The following FGF12 variants were observed in gnomAD, a reference collection of about 807,000 sequenced individuals.
FGF12 encodes the protein fibroblast growth factor 12.
Under a neutral mutation model 23.6 loss-of-function variants are expected in FGF12, and 14 were observed. The observed-to-expected ratio is 0.59, with a 90% CI of 0.39 to 0.93. The LOEUF is 0.93. FGF12 is among the 40% of genes least tolerant of loss of function. FGF12 has a pLI of 0.00. For synonymous variants in FGF12, 62 were observed against 77.3 expected (o/e 0.80, Z 1.04); for missense variants, 175 against 217.8 (o/e 0.80, Z 1.24).
intron 2 of FGF12, among the ~76,000 whole-genome samples, chr3:192,456,379 T>A (rs1722682249): frequency 1.3e-5 from 2 of 152,176 alleles, no homozygotes; most frequent in East Asian, 3.9e-4. Context: ...AAGCCTGCTG[T>A]CAAGCAGGCT....
intron 2 of FGF12, among the ~76,000 whole-genome samples, chr3:192,421,059 A>G (rs1343892220): frequency 6.6e-6 from 1 of 152,166 alleles, no homozygotes; most frequent in Non-Finnish European, 1.5e-5. Flanking sequence ...GACAGTGGCC[A>G]CTACATGCAT....
chr3:192,171,973 C>A (rs926922964), intron 4 of FGF12, among the ~76,000 whole-genome samples: 1 of 150,952 alleles, frequency 6.6e-6, no homozygotes, highest in Admixed American at 6.6e-5. Context: ...CTCAAACTCC[C>A]GGGCCCAGAA....
intron 2 of FGF12, among the ~76,000 whole-genome samples, chr3:192,386,655 C>G (rs943881628): frequency 1.3e-5 from 2 of 152,050 alleles, no homozygotes; most frequent in Admixed American, 6.6e-5. Context: ...ATTTATTTTT[C>G]TATTTTTCCT....
chr3:192,330,377 G>A (rs1717044909), intron 4 of FGF12, among the ~76,000 whole-genome samples: 1 of 152,092 alleles, frequency 6.6e-6, no homozygotes, highest in South Asian at 2.1e-4. Flanking sequence ...GGCACAAAGA[G>A]ACACAAACAC....
chr3:192,714,169 T>C (rs1431811742), intron 2 of FGF12, among the ~76,000 whole-genome samples: 2 of 152,200 alleles, frequency 1.3e-5, no homozygotes, highest in African/African-American at 2.4e-5. Flanking sequence ...ATCTCCATTA[T>C]ATAGATAAGG....
intron 2 of FGF12, among the ~76,000 whole-genome samples, chr3:192,713,821 T>C (rs1718773040): frequency 6.6e-6 from 1 of 152,224 alleles, no homozygotes; most frequent in African/African-American, 2.4e-5. Flanking sequence ...GATGATGCAG[T>C]TTGGTATGAT....
intron 2 of FGF12, among the ~76,000 whole-genome samples, chr3:192,493,224 A>T (rs1250980973): frequency 6.6e-6 from 1 of 152,008 alleles, no homozygotes; most frequent in African/African-American, 2.4e-5. Context: ...CTTGAACCTC[A>T]GCTTGCTCAT....
rs1320010640 is a variant in FGF12, at chr3:192,154,132, A to T, written c.428-10005T>A. 2.6e-5 allele frequency among the ~76,000 whole-genome samples: 3 copies of T among 115,754 alleles called. 1 individual carries two copies. Among genetic ancestry groups the T allele is most frequent in the African/African-American group, 9.8e-5 (3 of 30,644 alleles). 75.9% of individuals were successfully genotyped at this position (115,754 alleles called of 152,430 possible). A position where few individuals can be genotyped will look rare whatever the true frequency, so the allele number is the denominator to read the frequency against. On this transcript the variant is annotated intron_variant, in intron 5 of 5. Coordinates refer to ENST00000445105, the MANE Select transcript of FGF12 (RefSeq NM_004113.6). Reference sequence around the variant, plus strand: ...GGCTCCTGAGGCTTCTGCATTCTTCATGTAGTTCTCGAGCCTTGGTTTTCA... The same window carrying T: ...GGCTCCTGAGGCTTCTGCATTCTTCTTGTAGTTCTCGAGCCTTGGTTTTCA...
intron 4 of FGF12, among the ~76,000 whole-genome samples, chr3:192,304,397 G>T (rs1221713734): frequency 6.6e-6 from 1 of 151,988 alleles, no homozygotes; most frequent in Non-Finnish European, 1.5e-5. Flanking sequence ...TAAAAACTTG[G>T]GATAGTCCAT....
intron 4 of FGF12, among the ~76,000 whole-genome samples, chr3:192,173,835 T>C (rs1413837572): frequency 1.3e-5 from 2 of 152,260 alleles, no homozygotes; most frequent in African/African-American, 2.4e-5. Flanking sequence ...TTCTTCCTTA[T>C]GAATGTACAT....
At chr3:192,407,190 G>C (rs1053284958) in intron 2 of FGF12, among the ~76,000 whole-genome samples, 2 of 152,162 alleles carry the variant, frequency 1.3e-5, no homozygotes, top group African/African-American at 4.8e-5. Context: ...TGCGGTCGGG[G>C]CTGCAGAAGA....
At chr3:192,391,643 T>A (rs1468877700) in intron 2 of FGF12, among the ~76,000 whole-genome samples, 2 of 152,114 alleles carry the variant, frequency 1.3e-5, no homozygotes, top group East Asian at 3.9e-4. Context: ...AAACTGGAGG[T>A]GAACAAATCT....
At chr3:192,637,349 T>G (rs1176983587) in intron 2 of FGF12, among the ~76,000 whole-genome samples, 1 of 152,218 alleles carries the variant, frequency 6.6e-6, no homozygotes, top group African/African-American at 2.4e-5. Context: ...CCATAAGCTC[T>G]AGGAGGACAA....
intron 2 of FGF12, among the ~76,000 whole-genome samples, chr3:192,367,695 C>T (rs1229279222): frequency 1.3e-5 from 2 of 152,046 alleles, no homozygotes; most frequent in African/African-American, 4.8e-5. Flanking sequence ...GGCCTGAGGC[C>T]CCTCATTCAC....
chr3:192,634,065 T>C (rs1252881414), intron 2 of FGF12, among the ~76,000 whole-genome samples: 1 of 152,362 alleles, frequency 6.6e-6, no homozygotes, highest in African/African-American at 2.4e-5. Flanking sequence ...ACCATAGCAC[T>C]ACCTCTTTGC....
At chr3:192,278,049 C>T (rs1211301419) in intron 4 of FGF12, among the ~76,000 whole-genome samples, 1 of 152,222 alleles carries the variant, frequency 6.6e-6, no homozygotes, top group Non-Finnish European at 1.5e-5. Context: ...GTGTGAGACA[C>T]CGCGCCCAGC....
At chr3:192,589,440 T>C (rs1222720827) in intron 2 of FGF12, among the ~76,000 whole-genome samples, 2 of 151,648 alleles carry the variant, frequency 1.3e-5, no homozygotes, top group Non-Finnish European at 2.9e-5. Context: ...TCAGAAGATA[T>C]AAAATTCTTA....
intron 2 of FGF12, among the ~76,000 whole-genome samples, chr3:192,596,481 T>A (rs1713859411): frequency 6.6e-6 from 1 of 152,096 alleles, no homozygotes; most frequent in African/African-American, 2.4e-5. Flanking sequence ...TATACAACAA[T>A]CCTGTGAGGT....
intron 2 of FGF12, among the ~76,000 whole-genome samples, chr3:192,396,387 A>G (rs1292448835): frequency 6.6e-6 from 1 of 152,236 alleles, no homozygotes; most frequent in Non-Finnish European, 1.5e-5. Context: ...CATCTACCCA[A>G]CATTTATATT....
Sources: gnomAD v4.1 joint callset for allele counts (sites outside exome capture counted in the v4.1 genomes callset) on GRCh38, gnomAD v4.1.1 for gene constraint, MANE v1.5 for transcripts, NCBI Gene and HGNC (gene_info 2026-07-23, HGNC 2026-07-21) for gene names.